The following RBMS3 variants were observed in gnomAD, a reference collection of about 807,000 sequenced individuals.
RBMS3 encodes RNA binding motif single stranded interacting protein 3, also known as RNA-binding motif, single-stranded-interacting protein 3.
A neutral mutation model predicts 66.8 loss-of-function variants in RBMS3; 27 were observed. The ratio of observed to expected loss-of-function variants is 0.40; its 90% CI spans 0.30 to 0.56. The LOEUF (loss-of-function observed/expected upper bound fraction) is 0.56, where lower values mean the gene tolerates loss of function less well. RBMS3 is among the 20% of genes least tolerant of loss of function. RBMS3 has a pLI of 0.40. For missense variants in RBMS3, 513 were observed against 549.5 expected (o/e 0.93, Z 0.66); for synonymous variants, 188 against 183.0 (o/e 1.03, Z -0.22).
chr3:29,731,039 A>C, intron 4 of RBMS3: 1 of 985,112 alleles, frequency 1.0e-6, no homozygotes. Context: ...TAAAGGCTGG[A>C]GATCCTCATG....
intron 1 of RBMS3, among the ~76,000 whole-genome samples, chr3:29,430,806 C>A (rs980776134): frequency 3.2e-5 from 3 of 93,922 alleles, no homozygotes. Context: ...TTGAAAAAGC[C>A]TGAATGCAGA....
intron 3 of RBMS3, among the ~76,000 whole-genome samples, chr3:29,494,259 T>A (rs2148924026): frequency 6.6e-6 from 1 of 152,358 alleles, no homozygotes; most frequent in Non-Finnish European, 1.5e-5. Context: ...AAAGCTTTTA[T>A]GCTCTCCTGA....
intron 11 of RBMS3, among the ~76,000 whole-genome samples, chr3:29,936,542 C>T (rs2061269720): frequency 6.6e-6 from 1 of 152,060 alleles, no homozygotes; most frequent in Admixed American, 6.6e-5. Flanking sequence ...TTTTCTCTTC[C>T]CAGCTGCTTA....
At chr3:29,564,862 A>C (rs956549666) in intron 3 of RBMS3, among the ~76,000 whole-genome samples, 3 of 152,126 alleles carry the variant, frequency 2.0e-5, no homozygotes, top group Non-Finnish European at 4.4e-5. Flanking sequence ...GCTTAGATAC[A>C]AGTCAATTCT....
chr3:29,412,032 A>C (rs2040286362), intron 1 of RBMS3, among the ~76,000 whole-genome samples: 1 of 152,268 alleles, frequency 6.6e-6, no homozygotes, highest in South Asian at 2.1e-4. Context: ...ATATTTTTAA[A>C]ATTCAAATGT....
chr3:29,529,864 C>T (rs1353694300), intron 3 of RBMS3, among the ~76,000 whole-genome samples: 2 of 151,946 alleles, frequency 1.3e-5, no homozygotes, highest in East Asian at 3.9e-4. Context: ...TCCAGTAGCC[C>T]TTCATAACTG....
At position 30,008,093 on chromosome 3, in the gene RBMS3, CTCTT is replaced by C. The variant is rs1056734477; in HGVS notation, c.*4233_*4236del. Reference sequence around the variant, plus strand: ...AGTAATTTTTTTTTCCCAAAAAAACCTCTTTATTTAAATAATTGGGATATTTGCT... The same window carrying C: ...AGTAATTTTTTTTTCCCAAAAAAACCTATTTAAATAATTGGGATATTTGCT... On this transcript the variant is annotated 3_prime_UTR_variant, in exon 15 of 15. Coordinates refer to ENST00000383767, the MANE Select transcript of RBMS3 (RefSeq NM_001003793.3). The C allele has an allele frequency of 2.0e-5, 3 of 151,764 alleles. No individual in the cohort carries two copies. The highest frequency in any genetic ancestry group is 7.3e-5 in the African/African-American group (3 of 41,286). The allele number at this position is 151,764 out of a possible 1,614,324, so 9.4% of individuals were successfully genotyped here.
At chr3:29,800,028 G>A (rs541276428) in intron 6 of RBMS3, among the ~76,000 whole-genome samples, 50 of 152,270 alleles carry the variant, frequency 3.3e-4, no homozygotes, top group Non-Finnish European at 6.3e-4. Flanking sequence ...TCACATAATA[G>A]ATGTACCATG....
intron 1 of RBMS3, among the ~76,000 whole-genome samples, chr3:29,387,931 G>A (rs2039085432): frequency 6.6e-6 from 1 of 151,966 alleles, no homozygotes. Flanking sequence ...TAACAGTGCT[G>A]GCCTCTTACC....
chr3:29,824,798 A>T (rs1277376826), intron 6 of RBMS3, among the ~76,000 whole-genome samples: 2 of 152,228 alleles, frequency 1.3e-5, no homozygotes, highest in Non-Finnish European at 1.5e-5. Context: ...AATTTAAAAA[A>T]GGTAATGCTT....
rs190159219 is a variant in RBMS3, at chr3:29,573,129, T to C, written c.308-13985T>C. ...TTAAGAGCTCCTTATTCTTTTTTAT[T>C]TTTTCTTTTGAGATGGAGTCTTGTT... On this transcript the variant is annotated intron_variant, in intron 3 of 14. Transcript: ENST00000383767. Among the ~76,000 whole-genome samples, 25 of 152,260 alleles carry C rather than the reference T, an allele frequency of 1.6e-4. No homozygotes were observed. In the East Asian group the frequency reaches 4.6e-3, roughly 28 times the overall value.
intron 6 of RBMS3, among the ~76,000 whole-genome samples, chr3:29,852,408 G>C (rs191300734): frequency 1.2e-4 from 18 of 152,216 alleles, no homozygotes; most frequent in Admixed American, 2.6e-4. Context: ...ATTATAAACT[G>C]TGCATCTGAC....
At chr3:29,508,922 G>A (rs1214964025) in intron 3 of RBMS3, among the ~76,000 whole-genome samples, 1 of 150,480 alleles carries the variant, frequency 6.6e-6, no homozygotes, top group Non-Finnish European at 1.5e-5. Flanking sequence ...TCTCATGGTG[G>A]TTTTGATTTG....
intron 2 of RBMS3, among the ~76,000 whole-genome samples, chr3:29,484,329 A>T (rs1051239128): frequency 6.6e-6 from 1 of 152,212 alleles, no homozygotes; most frequent in Non-Finnish European, 1.5e-5. Flanking sequence ...AGTGGGAAAT[A>T]CAAGATCAAG....
chr3:29,587,388 T>C (rs1430481535), intron 4 of RBMS3, among the ~76,000 whole-genome samples, 183 bp downstream of exon 4: 2 of 151,786 alleles, frequency 1.3e-5, no homozygotes, highest in Non-Finnish European at 2.9e-5. Flanking sequence ...TTATATTTTC[T>C]TGTTAGGGAA....
At chr3:29,943,575 A>T (rs889613388) in intron 11 of RBMS3, among the ~76,000 whole-genome samples, 1 of 151,774 alleles carries the variant, frequency 6.6e-6, no homozygotes, top group Non-Finnish European at 1.5e-5. Context: ...CTTGGGATAA[A>T]GATAACCGTC....
At chr3:29,930,116 T>C (rs1406554860) in intron 10 of RBMS3, among the ~76,000 whole-genome samples, 2 of 69,456 alleles carry the variant, frequency 2.9e-5, no homozygotes, top group Admixed American at 1.4e-4. Context: ...TTTCTTTTTT[T>C]TTTTTTTTTT....
chr3:29,346,396 C>CTTTTTTTTTTTTTTTTTTTTTT (rs34803214), intron 1 of RBMS3, among the ~76,000 whole-genome samples: 1 of 59,962 alleles, frequency 1.7e-5, no homozygotes, highest in Non-Finnish European at 2.9e-5. Context: ...GCAATTCATT[C>CTTTTTTTTTTTTTTTTTTTTTT]TTTTTTTTTT....
At chr3:29,771,750 T>C (rs2056211695) in intron 6 of RBMS3, among the ~76,000 whole-genome samples, 2 of 151,886 alleles carry the variant, frequency 1.3e-5, no homozygotes, top group Admixed American at 1.3e-4. Context: ...CTCAGGAAAC[T>C]TACATCAGGG....
Sources: allele counts gnomAD v4.1 joint callset (sites outside exome capture counted in the v4.1 genomes callset), GRCh38; gene constraint gnomAD v4.1.1; transcripts MANE v1.5; gene names NCBI Gene and HGNC (gene_info 2026-07-23, HGNC 2026-07-21).